Variants in DPF3 observed in about 807,000 individuals in gnomAD.
The protein encoded by DPF3 is zinc finger protein DPF3.
A neutral mutation model predicts 56.8 loss-of-function variants in DPF3; 18 were observed. That is an observed-to-expected ratio of 0.32 (90% CI 0.22 to 0.47). The LOEUF is 0.47. Ranked by LOEUF, DPF3 falls within the 20% of genes least tolerant of loss-of-function variation. The pLI, the probability that DPF3 is intolerant of heterozygous loss-of-function variation, is 1.00. For missense variants in DPF3, 403 were observed against 488.8 expected, an observed-to-expected ratio of 0.82 and a Z score of 1.65; for synonymous variants, 188 against 180.2, an observed-to-expected ratio of 1.04 and a Z score of -0.35.
chr14:72,753,552 G>A (rs1890667061), intron 2 of DPF3, among the ~76,000 whole-genome samples, 181 bp from the exon 3 acceptor site: 1 of 152,132 alleles, frequency 6.6e-6, no homozygotes, highest in Non-Finnish European at 1.5e-5. Flanking sequence ...TCTGACCCCA[G>A]GACCCTGGCT....
chr14:72,823,482 G>A (rs1483751168), intron 1 of DPF3, among the ~76,000 whole-genome samples: 1 of 152,220 alleles, frequency 6.6e-6, no homozygotes, highest in Non-Finnish European at 1.5e-5. Flanking sequence ...AGAGACTCCA[G>A]GCTGGTGAGT....
At chr14:72,789,731 C>T (rs1892352338) in intron 1 of DPF3, among the ~76,000 whole-genome samples, 1 of 151,972 alleles carries the variant, frequency 6.6e-6, no homozygotes, top group Admixed American at 6.5e-5. Flanking sequence ...TCGTGTCTCA[C>T]TTTGTTGCCC....
chr14:72,792,090 C>T (rs988254381), intron 1 of DPF3, among the ~76,000 whole-genome samples: 2 of 151,690 alleles, frequency 1.3e-5, no homozygotes, highest in Middle Eastern at 3.2e-3. Flanking sequence ...ATGCCCCCCA[C>T]CCCCGCCCCC....
chr14:72,747,982 A>C (rs1244729791), intron 3 of DPF3, among the ~76,000 whole-genome samples: 1 of 152,232 alleles, frequency 6.6e-6, no homozygotes, highest in African/African-American at 2.4e-5. Context: ...GTGAAAACAG[A>C]CTAATGCAGT....
intron 1 of DPF3, among the ~76,000 whole-genome samples, chr14:72,778,351 T>C (rs1284613279): frequency 6.6e-6 from 1 of 152,090 alleles, no homozygotes; most frequent in Non-Finnish European, 1.5e-5. Flanking sequence ...CAAACCCTAC[T>C]GTGAACTGCA....
chr14:72,690,838 C>T (rs1299150019), intron 7 of DPF3, among the ~76,000 whole-genome samples: 1 of 152,180 alleles, frequency 6.6e-6, no homozygotes, highest in Admixed American at 6.5e-5. Flanking sequence ...CTAATAAACA[C>T]TTTAGAGAGC....
rs572558529 is a variant in DPF3, at chr14:72,662,064, C to T, written c.871+12176G>A. On this transcript the variant is annotated intron_variant, in intron 8 of 10. Transcript: ENST00000556509. The stretch of plus-strand genomic sequence containing the variant: ...GAGGGGGCAATGAGGGTGGGGGAAA[C>T]TGCTGATTTGTGGCTAAGTTATTTC... 4.9e-5 allele frequency: 48 copies of T among 985,176 alleles called. No individual in the cohort carries two copies. In the South Asian group the frequency reaches 2.0e-3, roughly 41 times the overall value. 61.0% of individuals were successfully genotyped at this position (985,176 alleles called of 1,614,324 possible).
At chr14:72,635,899 C>A (rs191496414) in intron 8 of DPF3, among the ~76,000 whole-genome samples, 2 of 152,140 alleles carry the variant, frequency 1.3e-5, no homozygotes, top group African/African-American at 4.8e-5. Context: ...GCATTGAAAA[C>A]ATAAATAAAA....
chr14:72,668,615 T>C (rs1886534751), intron 8 of DPF3, among the ~76,000 whole-genome samples: 1 of 152,198 alleles, frequency 6.6e-6, no homozygotes, highest in Non-Finnish European at 1.5e-5. Context: ...TTAGTTTCTC[T>C]GTTAGACTCC....
chr14:72,693,953 G>C (rs994896892), intron 6 of DPF3, among the ~76,000 whole-genome samples: 6 of 152,238 alleles, frequency 3.9e-5, no homozygotes, highest in Admixed American at 2.6e-4. Flanking sequence ...TAGTCACCAA[G>C]AGCTTGTGCC....
chr14:72,676,414 C>G (rs1305110545), intron 7 of DPF3, among the ~76,000 whole-genome samples: 2 of 152,174 alleles, frequency 1.3e-5, no homozygotes, highest in African/African-American at 4.8e-5. Flanking sequence ...ACTAAAGAAT[C>G]TGATTTTCTC....
intron 4 of DPF3, among the ~76,000 whole-genome samples, chr14:72,726,398 A>T (rs1347391374): frequency 6.6e-6 from 1 of 152,176 alleles, no homozygotes; most frequent in East Asian, 1.9e-4. Context: ...GCTAGTCCCC[A>T]GAGTGTCACA....
At chr14:72,773,223 C>T (rs1891612332) in intron 1 of DPF3, among the ~76,000 whole-genome samples, 2 of 151,558 alleles carry the variant, frequency 1.3e-5, no homozygotes, top group African/African-American at 4.9e-5. Flanking sequence ...ACCTCCACCT[C>T]CTGGGTTCAA....
intron 1 of DPF3, 58 bp downstream of exon 1, chr14:72,893,999 C>A (rs370550264): frequency 2.5e-6 from 4 of 1,600,034 alleles, no homozygotes; most frequent in Non-Finnish European, 3.4e-6. Context: ...ACGCAGAAGG[C>A]GCCTTTTTTT....
rs1369400508 is a variant in DPF3 at position 72,629,647 on chromosome 14, G to C, written c.961C>G (p.Leu321Val). The change falls in exon 9 of 11, where the codon CTC (leucine) becomes GTC (valine). Residue 321 changes from leucine (L) to valine (V), a missense_variant. By Grantham distance (32) the Leu-to-Val change is conservative. This residue lies in a region of DPF3 where 63 missense variants were observed against 114.4 expected (regional missense o/e 0.55). Transcript: ENST00000556509. ...WQCIECKSCI[L>V]CGTSENDDQL... ...ACATCATTCTCTGAGGTCCCACAGA[G>C]GATACAGGATTTGCACTCTATGCAC... 26 of 1,535,926 alleles carry C rather than the reference G, an allele frequency of 1.7e-5. No individual in the cohort carries two copies. Among genetic ancestry groups the C allele is most frequent in the Non-Finnish European group, 2.2e-5 (25 of 1,146,848 alleles).
intron 1 of DPF3, among the ~76,000 whole-genome samples, chr14:72,789,153 T>A (rs191871408): frequency 6.6e-6 from 1 of 152,178 alleles, no homozygotes; most frequent in South Asian, 2.1e-4. Flanking sequence ...GGGTACTGCA[T>A]CCGTACTGAA....
In DPF3 at chr14:72,733,954, G is replaced by C. The variant is rs1380147017; in HGVS notation, c.302-2020C>G. Reference sequence around the variant, plus strand: ...CATCTAAAATCTCTTGAGAAACAAAGTCTTTGGGATTTTTCCTACCAAAAA... The same window carrying C: ...CATCTAAAATCTCTTGAGAAACAAACTCTTTGGGATTTTTCCTACCAAAAA... On this transcript the variant is annotated intron_variant, in intron 3 of 10. Transcript: ENST00000556509. Among the ~76,000 whole-genome samples, 2 of 152,204 alleles carry C rather than the reference G, an allele frequency of 1.3e-5. 1 individual carries two copies. The highest frequency in any genetic ancestry group is 6.3e-3 in the Middle Eastern group (2 of 316).
chr14:72,688,283 GTGGGTGGATGGA>G (rs1245407778), intron 7 of DPF3, among the ~76,000 whole-genome samples: 1 of 101,026 alleles, frequency 9.9e-6, no homozygotes, highest in African/African-American at 4.0e-5. Flanking sequence ...GGGTGGGTGG[GTGGGTGGATGGA>G]TGGGTGGGTG....
intron 1 of DPF3, among the ~76,000 whole-genome samples, chr14:72,829,511 AG>A (rs1883960141): frequency 6.6e-6 from 1 of 151,618 alleles, no homozygotes; most frequent in African/African-American, 2.4e-5. Flanking sequence ...CAGCCTCCCA[AG>A]TAGCTGGGAT....
Sources: allele counts gnomAD v4.1 joint callset (sites outside exome capture counted in the v4.1 genomes callset), GRCh38; gene constraint gnomAD v4.1.1; regional missense constraint gnomAD v4.1.1; transcripts MANE v1.5; gene names NCBI Gene and HGNC (gene_info 2026-07-23, HGNC 2026-07-21).